PCYT1A: variants seen among roughly 807,000 people sequenced by gnomAD.
PCYT1A encodes phosphate cytidylyltransferase 1A, choline, also known as choline-phosphate cytidylyltransferase A.
Under a neutral mutation model 43.7 loss-of-function variants are expected in PCYT1A, and 25 were observed. The ratio of observed to expected loss-of-function variants is 0.57; its 90% CI spans 0.42 to 0.80. The LOEUF (loss-of-function observed/expected upper bound fraction) is 0.80. Ranked by LOEUF, PCYT1A falls within the 30% of genes least tolerant of loss-of-function variation. The pLI is 0.00. For synonymous variants in PCYT1A, 172 were observed against 170.7 expected (o/e 1.01, Z -0.06); for missense variants, 421 against 474.2 (o/e 0.89, Z 1.04).
At chr3:196,239,919 A>G (rs772035494) in intron 7 of PCYT1A, 184 bp from the exon 8 acceptor site, 4 of 568,070 alleles carry the variant, frequency 7.0e-6, no homozygotes, top group African/African-American at 1.9e-5. Flanking sequence ...TGCACACACA[A>G]GAAGTGGTAA....
In PCYT1A at chr3:196,234,790, C is replaced by T. The variant is rs1258749681; in HGVS notation, c.*3898G>A. The T allele has an allele frequency of 6.6e-6, 1 of 152,134 alleles. No homozygotes were observed. Among genetic ancestry groups the T allele is most frequent in the Non-Finnish European group, 1.5e-5 (1 of 68,038 alleles). 9.4% of individuals were successfully genotyped at this position (152,134 alleles called of 1,614,324 possible). ...GAAAATTAACATTTAATGGTATAATCCCAAGAACATGTTCTACTTATTTAC... is the reference window on the plus strand; with the variant it reads ...GAAAATTAACATTTAATGGTATAATTCCAAGAACATGTTCTACTTATTTAC... On this transcript the variant is annotated 3_prime_UTR_variant, in exon 9 of 9. Coordinates refer to ENST00000431016, the MANE Select transcript of PCYT1A (RefSeq NM_001312673.2).
At chr3:196,264,977 C>T (rs1336046811) in intron 2 of PCYT1A, among the ~76,000 whole-genome samples, 1 of 152,162 alleles carries the variant, frequency 6.6e-6, no homozygotes, top group East Asian at 1.9e-4. Context: ...CAATTTCCCC[C>T]ACAGTTTAGA....
rs115026589 is a variant in PCYT1A at position 196,269,103 on chromosome 3, C to A, written c.117+1312G>T. ...AGCTCTGCCAACACCCTGATTTTAG[C>A]CCTCTGAGACCCATTTCAGATTTCT... On this transcript the variant is annotated intron_variant, in intron 2 of 8. Transcript: ENST00000431016. 4.2e-3 allele frequency among the ~76,000 whole-genome samples: 639 copies of A among 152,284 alleles called. 2 individuals are homozygous for A. Among genetic ancestry groups the A allele is most frequent in the Non-Finnish European group, 7.5e-3 (507 of 68,012 alleles).
chr3:196,240,407 A>G (rs975160220), intron 7 of PCYT1A, among the ~76,000 whole-genome samples: 1 of 152,240 alleles, frequency 6.6e-6, no homozygotes, highest in African/African-American at 2.4e-5. Context: ...ATCCTTGGCC[A>G]GGCACAGTGG....
Position 196,236,282 on chromosome 3 carries a change from G to C in PCYT1A, c.*2406C>G, listed in dbSNP as rs1479334946. ...AATACACTTGCATAATGTGCACTTG[G>C]AGGAACCAAGCAGATGGGCTTCAGC... On this transcript the variant is annotated 3_prime_UTR_variant, in exon 9 of 9. Transcript: ENST00000431016. 1 of 152,276 alleles carries C rather than the reference G, an allele frequency of 6.6e-6. No homozygotes were observed. The highest frequency in any genetic ancestry group is 2.4e-5 in the African/African-American group (1 of 41,466). 9.4% of individuals were successfully genotyped at this position (152,276 alleles called of 1,614,324 possible).
chr3:196,254,611 A>G (rs1724900496), intron 3 of PCYT1A, among the ~76,000 whole-genome samples: 1 of 152,158 alleles, frequency 6.6e-6, no homozygotes, highest in Non-Finnish European at 1.5e-5. Flanking sequence ...TTGGCCTCCC[A>G]AAGTGCTGGG....
At chr3:196,241,177 G>A (rs991644088) in intron 7 of PCYT1A, among the ~76,000 whole-genome samples, 1 of 148,648 alleles carries the variant, frequency 6.7e-6, no homozygotes, top group Admixed American at 6.8e-5. Flanking sequence ...GCCAGGCCTG[G>A]TGGCACATGC....
chr3:196,262,274 C>T (rs1233380264), intron 2 of PCYT1A, among the ~76,000 whole-genome samples: 1 of 152,178 alleles, frequency 6.6e-6, no homozygotes, highest in Non-Finnish European at 1.5e-5. Flanking sequence ...CCTGTGAAAT[C>T]ACAGCAAGTT....
chr3:196,261,757 T>C (rs1231540031), intron 2 of PCYT1A, among the ~76,000 whole-genome samples: 1 of 149,624 alleles, frequency 6.7e-6, no homozygotes, highest in Non-Finnish European at 1.5e-5. Flanking sequence ...GCCACTGCAC[T>C]CCAGCCTGGG....
chr3:196,270,595 G>T, intron 1 of PCYT1A, 54 bp from the exon 2 acceptor site: 1 of 1,132,610 alleles, frequency 8.8e-7, no homozygotes, highest in Non-Finnish European at 1.4e-6. Flanking sequence ...GAAAAAGTTT[G>T]TCACCAGTAT....
At position 196,273,296 on chromosome 3, in the gene PCYT1A, T is replaced by C. The variant is rs1251380929; in HGVS notation, c.-10-2755A>G. On this transcript the variant is annotated intron_variant, in intron 1 of 8. Coordinates refer to ENST00000431016, the MANE Select transcript of PCYT1A (RefSeq NM_001312673.2). The surrounding 1 kb of genome is among the most constrained non-coding windows in gnomAD (Gnocchi z 4.1). ...ACAGCTCTTCTCTTTCTCTCTCCTC[T>C]CTTCTCTCTTTCTGTTGCCCACAGC... is the stretch of plus-strand genomic sequence containing the variant. Among the ~76,000 whole-genome samples, 1 of 152,158 alleles carries C rather than the reference T, an allele frequency of 6.6e-6. No homozygotes were observed. The highest frequency in any genetic ancestry group is 2.4e-5 in the African/African-American group (1 of 41,422).
chr3:196,246,161 G>A (rs1724563858), intron 5 of PCYT1A, among the ~76,000 whole-genome samples: 1 of 152,144 alleles, frequency 6.6e-6, no homozygotes. Flanking sequence ...TAAAAGGTCT[G>A]TCCTAATCCT....
Position 196,238,880 on chromosome 3 carries a change from T to C in PCYT1A, c.912A>G (p.Lys304=). The change falls in exon 9 of 9, where the codon AAA becomes AAG. Residue 304 remains lysine (K), a synonymous_variant. Coordinates refer to ENST00000431016, the MANE Select transcript of PCYT1A (RefSeq NM_001312673.2). ...CCTGCAGCATCCGGCCCTTCCCCTC[T>C]TTCAGCATATGTTTCTGCAGAAACC... The part of the protein sequence containing the change: ...GPEGALKHML[K]EGKGRMLQAI... 6.9e-7 allele frequency: 1 copy of C among 1,445,262 alleles called. No individual in the cohort carries two copies. The highest frequency in any genetic ancestry group is 9.1e-7 in the Non-Finnish European group (1 of 1,097,262). The allele number at this position is 1,445,262 out of a possible 1,614,324, so 89.5% of individuals were successfully genotyped here.
intron 2 of PCYT1A, among the ~76,000 whole-genome samples, chr3:196,267,022 A>T (rs954619137): frequency 2.6e-5 from 4 of 151,770 alleles, no homozygotes; most frequent in Non-Finnish European, 5.9e-5. Context: ...AATAAAAATT[A>T]AAAAAAATCA....
At chr3:196,280,568 TTG>T (rs1491227177) in intron 1 of PCYT1A, among the ~76,000 whole-genome samples, 1 of 116,064 alleles carries the variant, frequency 8.6e-6, no homozygotes, top group African/African-American at 3.4e-5. Flanking sequence ...GGTATTTTTA[TTG>T]TTTTTTTTTT....
At chr3:196,270,312 C>T (rs1725392726) in intron 2 of PCYT1A, 103 bp downstream of exon 2, 6 of 782,480 alleles carry the variant, frequency 7.7e-6, no homozygotes, top group Non-Finnish European at 1.3e-5. Flanking sequence ...TGAAAATACA[C>T]TTACTATTCC....
chr3:196,247,682 C>G lies in PCYT1A; in HGVS notation c.335-164G>C, dbSNP rs1200147794. 1 of 716,320 alleles carries G rather than the reference C, an allele frequency of 1.4e-6. No individual in the cohort carries two copies. The highest frequency in any genetic ancestry group is 2.5e-6 in the Non-Finnish European group (1 of 396,052). The allele number at this position is 716,320 out of a possible 1,614,324, so 44.4% of individuals were successfully genotyped here. A position where few individuals can be genotyped will look rare whatever the true frequency, so the allele number is the denominator to read the frequency against. ...TTGAACCTGGGTGATAACGCTTTTC[C>G]TAATGCAGCGTATACCTTCAGGAGC... is the stretch of plus-strand genomic sequence containing the variant. On this transcript the variant is annotated intron_variant, in intron 4 of 8. Coordinates refer to ENST00000431016, the MANE Select transcript of PCYT1A (RefSeq NM_001312673.2). The surrounding 1 kb of genome is among the most constrained non-coding windows in gnomAD (Gnocchi z 4.8).
Position 196,236,834 on chromosome 3 carries a change from T to G in PCYT1A, c.*1854A>C, listed in dbSNP as rs1475404327. The G allele has an allele frequency of 2.0e-5, 3 of 152,078 alleles. No individual in the cohort carries two copies. The highest frequency in any genetic ancestry group is 7.2e-5 in the African/African-American group (3 of 41,400). The allele number at this position is 152,078 out of a possible 1,614,324, so 9.4% of individuals were successfully genotyped here. On this transcript the variant is annotated 3_prime_UTR_variant, in exon 9 of 9. Transcript: ENST00000431016. Reference sequence around the variant, plus strand: ...GGTGCCCACCACCACGCCTGGCTAATTTTTGTATTTTTAGTAGAGATGGGG... The same window carrying G: ...GGTGCCCACCACCACGCCTGGCTAAGTTTTGTATTTTTAGTAGAGATGGGG...
At chr3:196,279,356 G>A (rs1192048029) in intron 1 of PCYT1A, among the ~76,000 whole-genome samples, 1 of 150,852 alleles carries the variant, frequency 6.6e-6, no homozygotes, top group Non-Finnish European at 1.5e-5. Context: ...TCCAACTGCT[G>A]CCTATTCACT....
Sources: gnomAD v4.1 joint callset for allele counts (sites outside exome capture counted in the v4.1 genomes callset) on GRCh38, gnomAD v4.1.1 for gene constraint, Gnocchi (gnomAD v3.1) non-coding constraint, MANE v1.5 for transcripts, NCBI Gene and HGNC (gene_info 2026-07-23, HGNC 2026-07-21) for gene names.